The following NDST3 variants were observed in gnomAD, a reference collection of about 807,000 sequenced individuals.
NDST3 encodes the protein N-deacetylase and N-sulfotransferase 3, also known as bifunctional heparan sulfate N-deacetylase/N-sulfotransferase 3.
Under a neutral mutation model 96.1 loss-of-function variants are expected in NDST3, and 58 were observed. That is an observed-to-expected ratio of 0.60 (90% CI 0.49 to 0.75). The LOEUF is 0.75. Ranked by LOEUF, NDST3 falls within the 30% of genes least tolerant of loss-of-function variation. NDST3 has a pLI of 0.00. For missense variants in NDST3, 788 were observed against 1,034.2 expected (o/e 0.76, Z 3.27); for synonymous variants, 333 against 359.7 (o/e 0.93, Z 0.84).
At chr4:118,055,372 G>T in intron 2 of NDST3, 1 of 182,990 alleles carries the variant, frequency 5.5e-6, no homozygotes. Context: ...ATATTTTTCT[G>T]AAACTGAAAA....
chr4:118,190,424 A>C (rs1302364058), intron 6 of NDST3, among the ~76,000 whole-genome samples: 1 of 152,208 alleles, frequency 6.6e-6, no homozygotes, highest in African/African-American at 2.4e-5. Flanking sequence ...CTATGTGTTA[A>C]TTAATTTAGC....
chr4:118,152,761 T>C (rs1050446403), intron 6 of NDST3, among the ~76,000 whole-genome samples: 2 of 152,184 alleles, frequency 1.3e-5, no homozygotes, highest in Non-Finnish European at 1.5e-5. Flanking sequence ...TTGTTTACGG[T>C]TTCTGCAGTA....
At chr4:118,152,544 G>C (rs1299970349) in intron 6 of NDST3, among the ~76,000 whole-genome samples, 1 of 152,052 alleles carries the variant, frequency 6.6e-6, no homozygotes, top group Non-Finnish European at 1.5e-5. Context: ...CCCTGGAAAA[G>C]GGGCCTACTG....
chr4:118,255,078 C>T (rs1486471461), intron 13 of NDST3, among the ~76,000 whole-genome samples: 2 of 152,086 alleles, frequency 1.3e-5, no homozygotes, highest in Non-Finnish European at 2.9e-5. Flanking sequence ...AGCTATTTCC[C>T]CGTAAATTTA....
At position 118,185,983 on chromosome 4, in the gene NDST3, C is replaced by T. The variant is rs75846457; in HGVS notation, c.1540-38508C>T. On this transcript the variant is annotated intron_variant, in intron 6 of 13. Coordinates refer to ENST00000296499, the MANE Select transcript of NDST3 (RefSeq NM_004784.3). The stretch of plus-strand genomic sequence containing the variant: ...TGTCACTATTACCATCATAATTTTA[C>T]TTATTTGGTCTTGAAACCCAGTGGG... 6.6e-5 allele frequency among the ~76,000 whole-genome samples: 10 copies of T among 152,032 alleles called. 1 individual carries two copies. Among genetic ancestry groups the T allele is most frequent in the Admixed American group, 5.9e-4 (9 of 15,258 alleles).
At chr4:118,231,303 T>C (rs1195950823) in intron 8 of NDST3, among the ~76,000 whole-genome samples, 1 of 150,794 alleles carries the variant, frequency 6.6e-6, no homozygotes, top group Non-Finnish European at 1.5e-5. Context: ...GCCACTGCAC[T>C]CCAGCCTGGG....
At chr4:118,169,431 A>G (rs998712833) in intron 6 of NDST3, among the ~76,000 whole-genome samples, 2 of 152,168 alleles carry the variant, frequency 1.3e-5, no homozygotes, top group African/African-American at 4.8e-5. Flanking sequence ...TAGCCCCAAA[A>G]TAAAGAGGCT....
At chr4:118,225,504 A>G (rs607961) in intron 7 of NDST3, among the ~76,000 whole-genome samples, 122,926 of 152,132 alleles carry the variant, frequency 0.81, 52,226 homozygotes, top group South Asian at 0.95. Context: ...CAGAAAGGCT[A>G]AGTCAATTAA....
chr4:118,066,134 TA>T (rs1560617545), intron 2 of NDST3, among the ~76,000 whole-genome samples: 8 of 30,694 alleles, frequency 2.6e-4, no homozygotes, highest in South Asian at 2.0e-3. Flanking sequence ...ATATATTATA[TA>T]ATATATTTTA....
intron 2 of NDST3, among the ~76,000 whole-genome samples, chr4:118,093,083 A>G (rs148431269): frequency 1.7e-3 from 251 of 151,938 alleles, no homozygotes; most frequent in African/African-American, 5.8e-3. Flanking sequence ...TTCCCTAACA[A>G]TGAGAAGGGC....
At chr4:118,194,566 A>G (rs988572322) in intron 6 of NDST3, 3 of 729,262 alleles carry the variant, frequency 4.1e-6, no homozygotes, top group Non-Finnish European at 7.7e-6. Context: ...AGTTTGTGCC[A>G]TCTAACAGCC....
intron 2 of NDST3, among the ~76,000 whole-genome samples, chr4:118,065,833 G>A (rs1454540103): frequency 2.0e-5 from 3 of 150,532 alleles, no homozygotes; most frequent in Non-Finnish European, 3.0e-5. Context: ...TGATATCCTG[G>A]TGCCTGGTGC....
At chr4:118,250,828 A>C (rs950074623) in intron 12 of NDST3, among the ~76,000 whole-genome samples, 2 of 152,024 alleles carry the variant, frequency 1.3e-5, no homozygotes, top group African/African-American at 2.4e-5. Context: ...TTTATCTTTT[A>C]TAGTGAGTTA....
intron 1 of NDST3, among the ~76,000 whole-genome samples, chr4:118,038,195 G>C (rs1002603050): frequency 6.6e-6 from 1 of 152,098 alleles, no homozygotes; most frequent in African/African-American, 2.4e-5. Context: ...GAATATGTCA[G>C]CGTATTTTGA....
At position 118,137,189 on chromosome 4, in the gene NDST3, T is replaced by C. The variant is rs541394517; in HGVS notation, c.1225-865T>C. On this transcript the variant is annotated intron_variant, in intron 4 of 13. Coordinates refer to ENST00000296499, the MANE Select transcript of NDST3 (RefSeq NM_004784.3). ...ATTAATTTAAAAGAACCTATTTGAG[T>C]GGAATTTTTGAAGATTTTTTCCAAG... Among the ~76,000 whole-genome samples, 6 of 152,198 alleles carry C rather than the reference T, an allele frequency of 3.9e-5. No individual in the cohort carries two copies. In the South Asian group the frequency reaches 1.0e-3, roughly 26 times the overall value.
At chr4:118,248,550 A>C (rs530816932) in intron 12 of NDST3, among the ~76,000 whole-genome samples, 5 of 152,304 alleles carry the variant, frequency 3.3e-5, no homozygotes, top group South Asian at 2.1e-4. Context: ...ATGACTCTGG[A>C]GACACAATGA....
chr4:118,068,496 A>T (rs1415659593), intron 2 of NDST3, among the ~76,000 whole-genome samples: 1 of 152,092 alleles, frequency 6.6e-6, no homozygotes, highest in South Asian at 2.1e-4. Context: ...TCACTTATCA[A>T]TACAAGACAA....
At chr4:118,167,480 A>C (rs924963160) in intron 6 of NDST3, among the ~76,000 whole-genome samples, 2 of 151,952 alleles carry the variant, frequency 1.3e-5, no homozygotes, top group Non-Finnish European at 2.9e-5. Flanking sequence ...AAATGTCCAT[A>C]CTACTCAAAG....
intron 6 of NDST3, among the ~76,000 whole-genome samples, chr4:118,189,740 A>T (rs989413976): frequency 6.6e-6 from 1 of 152,188 alleles, no homozygotes; most frequent in Non-Finnish European, 1.5e-5. Context: ...TTTATAGTTT[A>T]CTCAAAGGCG....
Sources: allele counts gnomAD v4.1 joint callset (sites outside exome capture counted in the v4.1 genomes callset), GRCh38; gene constraint gnomAD v4.1.1; transcripts MANE v1.5; gene names NCBI Gene and HGNC (gene_info 2026-07-23, HGNC 2026-07-21).